Variants in GRID1 observed in about 807,000 individuals in gnomAD.
GRID1 encodes glutamate ionotropic receptor delta type subunit 1, also known as glutamate receptor ionotropic, delta-1.
Under a neutral mutation model 98.0 loss-of-function variants are expected in GRID1, and 28 were observed. The ratio of observed to expected loss-of-function variants is 0.29; its 90% confidence interval spans 0.21 to 0.39. GRID1 has a LOEUF of 0.39. GRID1 is among the 10% of genes least tolerant of loss of function. GRID1 has a pLI of 1.00. For missense variants in GRID1, 1,111 were observed against 1,340.5 expected (o/e 0.83, Z 2.67); for synonymous variants, 553 against 538.5 (o/e 1.03, Z -0.37).
rs190811206 is a variant in GRID1 at position 85,669,408 on chromosome 10, T to C, written c.1998-22011A>G. On this transcript the variant is annotated intron_variant, in intron 12 of 15. Transcript: ENST00000327946. ...ATCTGAGAGGGCTCCAAGGGCCCCT[T>C]TGGGGTCATGAGGATGGGCATAAAA... Among the ~76,000 whole-genome samples, 277 of 152,292 alleles carry C rather than the reference T, an allele frequency of 1.8e-3. 1 individual carries two copies. The highest frequency in any genetic ancestry group is 0.014 in the Middle Eastern group (4 of 292).
intron 3 of GRID1, among the ~76,000 whole-genome samples, chr10:86,188,095 T>C (rs1329886867): frequency 6.6e-6 from 1 of 152,178 alleles, no homozygotes; most frequent in Non-Finnish European, 1.5e-5. Flanking sequence ...GTGACACACA[T>C]GGTGAAGTGA....
chr10:85,804,059 GA>G lies in GRID1; in HGVS notation c.1233+50436del, dbSNP rs566848279. On this transcript the variant is annotated intron_variant, in intron 8 of 15. Transcript: ENST00000327946. ...CTAAATAGGGGATATCAATGAAATTGAAAAAAAACAGAAAATATATAAAGAC... is the reference window on the plus strand; with the variant it reads ...CTAAATAGGGGATATCAATGAAATTGAAAAAAACAGAAAATATATAAAGAC... Among the ~76,000 whole-genome samples, 102 of 147,168 alleles carry G rather than the reference GA, an allele frequency of 6.9e-4. 1 individual carries two copies. In the South Asian group the frequency reaches 0.022, roughly 31 times the overall value.
intron 4 of GRID1, among the ~76,000 whole-genome samples, chr10:86,117,072 A>G (rs917424924): frequency 6.6e-6 from 1 of 151,062 alleles, no homozygotes; most frequent in Non-Finnish European, 1.5e-5. Context: ...CACCACCACC[A>G]ATAACAACAC....
intron 8 of GRID1, among the ~76,000 whole-genome samples, chr10:85,755,610 C>A (rs1219815022): frequency 6.6e-6 from 1 of 152,188 alleles, no homozygotes; most frequent in Non-Finnish European, 1.5e-5. Context: ...GGCGCTCATG[C>A]TCTGCTGGCG....
At chr10:86,300,748 T>G (rs1847674035) in intron 2 of GRID1, among the ~76,000 whole-genome samples, 1 of 152,048 alleles carries the variant, frequency 6.6e-6, no homozygotes, top group Non-Finnish European at 1.5e-5. Flanking sequence ...GAGCTTGGCC[T>G]GGGACTCCAA....
intron 4 of GRID1, among the ~76,000 whole-genome samples, chr10:85,928,548 G>A (rs1589301977): frequency 6.6e-6 from 1 of 152,224 alleles, no homozygotes; most frequent in African/African-American, 2.4e-5. Flanking sequence ...GGCCAAAAGT[G>A]GCACGACAGG....
chr10:86,216,769 G>A (rs74149230), intron 2 of GRID1, among the ~76,000 whole-genome samples: 4,326 of 152,220 alleles, frequency 0.028, 205 homozygotes, highest in African/African-American at 0.094. Context: ...AGACTATGAA[G>A]CACAGCTGGC....
intron 4 of GRID1, among the ~76,000 whole-genome samples, chr10:85,967,082 G>A (rs1265520440): frequency 4.6e-5 from 7 of 152,194 alleles, no homozygotes. Context: ...CCCTGCACAA[G>A]CTCTCTCACC....
chr10:86,245,293 G>A (rs560380155), intron 2 of GRID1, among the ~76,000 whole-genome samples: 120 of 152,316 alleles, frequency 7.9e-4, no homozygotes, highest in African/African-American at 2.8e-3. Context: ...TGGGCCAGTG[G>A]CCTGGGGAAG....
Position 85,602,343 on chromosome 10 carries a change from A to G in GRID1, c.2960T>C (p.Met987Thr). The change falls in exon 16 of 16, where the codon ATG becomes ACG. Residue 987 changes from methionine to threonine, a missense_variant. Physicochemically the swap from Met to Thr is moderately conservative, Grantham distance 81. Transcript: ENST00000327946. ...GCCTCCAGGCACGGGCTGGAAGGAC[A>G]TGGGGATGGGGGTCTTCACCGGGCT... Reference protein sequence around the residue: ...RQSPVKTPIPMSFQPVPGGVL... With the variant: ...RQSPVKTPIPTSFQPVPGGVL... 4 of 1,583,402 alleles carry G rather than the reference A, an allele frequency of 2.5e-6. No individual in the cohort carries two copies. The highest frequency in any genetic ancestry group is 2.6e-6 in the Non-Finnish European group (3 of 1,162,504).
intron 2 of GRID1, among the ~76,000 whole-genome samples, chr10:86,273,308 A>G (rs1292057414): frequency 6.0e-5 from 8 of 133,458 alleles, no homozygotes; most frequent in Admixed American, 8.0e-5. Context: ...AATCCAGTCT[A>G]TCATTGTTGG....
At chr10:86,153,549 G>A (rs1477895528) in intron 3 of GRID1, among the ~76,000 whole-genome samples, 1 of 152,160 alleles carries the variant, frequency 6.6e-6, no homozygotes, top group Non-Finnish European at 1.5e-5. Flanking sequence ...GGGTGTCATT[G>A]CTTCCCAATT....
intron 6 of GRID1, among the ~76,000 whole-genome samples, chr10:85,861,484 G>T (rs1843163562): frequency 6.6e-6 from 1 of 152,166 alleles, no homozygotes; most frequent in African/African-American, 2.4e-5. Flanking sequence ...CTGCCCCTAG[G>T]ATGTTTCATA....
At chr10:85,789,205 T>C (rs948985713) in intron 8 of GRID1, among the ~76,000 whole-genome samples, 2 of 152,124 alleles carry the variant, frequency 1.3e-5, no homozygotes, top group Admixed American at 6.5e-5. Context: ...TATGATCTAT[T>C]TTCAAATTTC....
At chr10:86,021,943 C>T (rs1420020710) in intron 4 of GRID1, among the ~76,000 whole-genome samples, 1 of 152,080 alleles carries the variant, frequency 6.6e-6, no homozygotes, top group Non-Finnish European at 1.5e-5. Flanking sequence ...AGAGCAGCCG[C>T]ATCTAAAAGA....
In GRID1 at chr10:85,980,534, G is replaced by A. The variant is rs1842532143; in HGVS notation, c.727-64295C>T. Reference sequence around the variant, plus strand: ...TTCTGGTTCCCCAAGCTGGGGCTGGGACAGATCCAAGTCCTCCTTCTGCAG... The same window carrying A: ...TTCTGGTTCCCCAAGCTGGGGCTGGAACAGATCCAAGTCCTCCTTCTGCAG... On this transcript the variant is annotated intron_variant, in intron 4 of 15. Transcript: ENST00000327946. Among the ~76,000 whole-genome samples the A allele has an allele frequency of 2.0e-5, 3 of 152,206 alleles. No homozygotes were observed. In the South Asian group the frequency reaches 6.2e-4, roughly 31 times the overall value.
intron 12 of GRID1, among the ~76,000 whole-genome samples, chr10:85,717,287 T>C (rs1032036114): frequency 1.3e-5 from 2 of 151,884 alleles, no homozygotes; most frequent in Admixed American, 1.3e-4. Context: ...TTTGTTTTCA[T>C]GCTGCTGATA....
At chr10:86,066,409 A>G (rs1843720961) in intron 4 of GRID1, among the ~76,000 whole-genome samples, 1 of 152,198 alleles carries the variant, frequency 6.6e-6, no homozygotes, top group South Asian at 2.1e-4. Flanking sequence ...GCTGTGTGCC[A>G]GGGGTATTAC....
At chr10:85,670,355 T>A (rs1262221783) in intron 12 of GRID1, among the ~76,000 whole-genome samples, 1 of 152,132 alleles carries the variant, frequency 6.6e-6, no homozygotes, top group Non-Finnish European at 1.5e-5. Context: ...GCAGTGAGGA[T>A]TCTGCCTGCC....
Sources: allele counts gnomAD v4.1 joint callset (sites outside exome capture counted in the v4.1 genomes callset), GRCh38; gene constraint gnomAD v4.1.1; transcripts MANE v1.5; gene names NCBI Gene and HGNC (gene_info 2026-07-23, HGNC 2026-07-21).